TACC2: variants seen among roughly 807,000 people sequenced by gnomAD.
TACC2 encodes the protein transforming acidic coiled-coil-containing protein 2.
TACC2 carries 137 observed loss-of-function variants against 227.3 expected under a neutral mutation model. The observed-to-expected ratio is 0.60, with a 90% CI of 0.52 to 0.69. TACC2 has a LOEUF of 0.69. Ranked by LOEUF, TACC2 falls within the 30% of genes least tolerant of loss-of-function variation. The pLI is 0.00. For missense variants in TACC2, 3,470 were observed against 3,694.4 expected (o/e 0.94, Z 1.57); for synonymous variants, 1,523 against 1,487.5 (o/e 1.02, Z -0.55).
At chr10:122,026,963 C>T (rs771869290) in intron 2 of TACC2, among the ~76,000 whole-genome samples, 7 of 152,142 alleles carry the variant, frequency 4.6e-5, no homozygotes, top group Non-Finnish European at 8.8e-5. Flanking sequence ...GTTTTCAGCT[C>T]CTTTTGGTAG....
chr10:122,146,206 C>T (rs1251887354), intron 7 of TACC2, among the ~76,000 whole-genome samples: 6 of 151,564 alleles, frequency 4.0e-5, no homozygotes, highest in South Asian at 2.1e-4. Context: ...TGGGCTGGGC[C>T]GGAGGTTGCT....
Position 122,229,445 on chromosome 10 carries a change from T to G in TACC2, c.7996T>G (p.Leu2666Val), listed in dbSNP as rs1474776848. 6 of 1,613,966 alleles carry G rather than the reference T, an allele frequency of 3.7e-6. No homozygotes were observed. The Middle Eastern group carries it at 8.2e-4, about 221-fold the overall frequency. Reference protein sequence around the residue: ...CGALDYLEPDLAEKNPPLFAQ... With the variant: ...CGALDYLEPDVAEKNPPLFAQ... Reference sequence around the variant, plus strand: ...TGCACTTGACTATCTGGAGCCCGACTTAGCAGAAAAGAACCCCCCACTATT... The same window carrying G: ...TGCACTTGACTATCTGGAGCCCGACGTAGCAGAAAAGAACCCCCCACTATT... The change falls in exon 15 of 23, where the codon TTA becomes GTA. Residue 2666 changes from leucine (L) to valine (V), a missense_variant. Transcript: ENST00000369005.
chr10:122,239,559 A>C (rs765564416), intron 18 of TACC2, among the ~76,000 whole-genome samples: 1 of 151,954 alleles, frequency 6.6e-6, no homozygotes, highest in Non-Finnish European at 1.5e-5. Flanking sequence ...TTTTTCTCTT[A>C]TTTGGGGGTA....
intron 2 of TACC2, among the ~76,000 whole-genome samples, chr10:122,039,656 T>C (rs2461202): frequency 0.16 from 23,710 of 152,168 alleles, 2,507 homozygotes; most frequent in African/African-American, 0.3. Context: ...GCAGTTTATT[T>C]CGACAGTATT....
At chr10:122,095,429 C>A (rs1161573047) in intron 5 of TACC2, among the ~76,000 whole-genome samples, 1 of 152,220 alleles carries the variant, frequency 6.6e-6, no homozygotes, top group Non-Finnish European at 1.5e-5. Context: ...TTGAGAGCAC[C>A]TGCCACAAGT....
chr10:122,107,072 T>C (rs1280047599), intron 5 of TACC2, among the ~76,000 whole-genome samples: 3 of 152,262 alleles, frequency 2.0e-5, no homozygotes, highest in Admixed American at 1.3e-4. Context: ...TGATTTTCTC[T>C]TCTGTTTCAT....
chr10:122,222,094 C>T (rs1019136571), intron 11 of TACC2, among the ~76,000 whole-genome samples: 3 of 152,224 alleles, frequency 2.0e-5, no homozygotes, highest in Non-Finnish European at 4.4e-5. Context: ...ACCATCTCCT[C>T]CAGTTGAGAA....
chr10:122,204,172 G>GGGGAGA (rs1255122663), intron 8 of TACC2, among the ~76,000 whole-genome samples: 7 of 143,282 alleles, frequency 4.9e-5, no homozygotes, highest in Non-Finnish European at 1.0e-4. Context: ...GGGAGACCGT[G>GGGGAGA]GGGAGAGGGA....
intron 8 of TACC2, among the ~76,000 whole-genome samples, chr10:122,200,608 T>A (rs1019364226): frequency 4.7e-5 from 7 of 147,818 alleles, no homozygotes; most frequent in Non-Finnish European, 1.0e-4. Context: ...AGTGGCCACA[T>A]CTACAGTGAG....
intron 3 of TACC2, among the ~76,000 whole-genome samples, chr10:122,076,087 A>C (rs1449107108): frequency 6.6e-6 from 1 of 152,216 alleles, no homozygotes; most frequent in Non-Finnish European, 1.5e-5. Context: ...GGCGTGAGCC[A>C]CTGCACCTAG....
intron 10 of TACC2, 38 bp downstream of exon 10, chr10:122,215,489 C>G (rs542046693): frequency 3.2e-6 from 5 of 1,579,326 alleles, no homozygotes; most frequent in Admixed American, 1.7e-5. Flanking sequence ...TTTATGCCCC[C>G]CCCGGGGGAG....
intron 5 of TACC2, among the ~76,000 whole-genome samples, chr10:122,129,629 A>G (rs544646815): frequency 6.6e-6 from 1 of 152,232 alleles, no homozygotes; most frequent in Non-Finnish European, 1.5e-5. Flanking sequence ...CTCAGATTTT[A>G]TGATTTTGGA....
intron 5 of TACC2, among the ~76,000 whole-genome samples, chr10:122,091,912 A>T (rs1024216650): frequency 2.0e-5 from 3 of 152,142 alleles, no homozygotes; most frequent in African/African-American, 7.2e-5. Context: ...CTTACTAATT[A>T]CATACCTAAC....
At chr10:122,115,087 G>A (rs1303381908) in intron 5 of TACC2, among the ~76,000 whole-genome samples, 2 of 152,326 alleles carry the variant, frequency 1.3e-5, no homozygotes, top group East Asian at 3.9e-4. Flanking sequence ...CTGCGGCCTC[G>A]TTGGTTTTAT....
At chr10:122,208,105 A>C (rs553923351) in intron 8 of TACC2, among the ~76,000 whole-genome samples, 1 of 152,098 alleles carries the variant, frequency 6.6e-6, no homozygotes, top group Non-Finnish European at 1.5e-5. Context: ...CACCTTTTGA[A>C]ATGAGAAGGA....
At chr10:122,231,773 C>G (rs2095755070) in intron 16 of TACC2, among the ~76,000 whole-genome samples, 2 of 152,184 alleles carry the variant, frequency 1.3e-5, no homozygotes, top group South Asian at 4.1e-4. Flanking sequence ...CCCAGGAGTT[C>G]CAGGTTACAG....
chr10:122,071,441 G>A (rs2078041103), intron 3 of TACC2, among the ~76,000 whole-genome samples: 1 of 152,126 alleles, frequency 6.6e-6, no homozygotes, highest in Admixed American at 6.6e-5. Context: ...AGGACCCCAG[G>A]AGAGGGTTGC....
At chr10:122,220,272 T>C (rs756600313) in intron 11 of TACC2, among the ~76,000 whole-genome samples, 3 of 152,216 alleles carry the variant, frequency 2.0e-5, no homozygotes, top group Non-Finnish European at 4.4e-5. Context: ...CTGAGTGACA[T>C]ATTTGACAGT....
chr10:122,197,130 G>A lies in TACC2; in HGVS notation c.5971+1954G>A, dbSNP rs568299305. 1.7e-4 allele frequency among the ~76,000 whole-genome samples: 25 copies of A among 151,344 alleles called. No individual in the cohort carries two copies. The East Asian group carries it at 2.0e-3, about 12-fold the overall frequency. On this transcript the variant is annotated intron_variant, in intron 8 of 22. Transcript: ENST00000369005. ...ACAGAAATTAGCCAGGCATGGTGCCGCACGCCTGTAGTCCCAGCTACTCAG... is the reference window on the plus strand; with the variant it reads ...ACAGAAATTAGCCAGGCATGGTGCCACACGCCTGTAGTCCCAGCTACTCAG...
Sources: gnomAD v4.1 joint callset for allele counts (sites outside exome capture counted in the v4.1 genomes callset) on GRCh38, gnomAD v4.1.1 for gene constraint, MANE v1.5 for transcripts, NCBI Gene and HGNC (gene_info 2026-07-23, HGNC 2026-07-21) for gene names.